The following MIR2052HG variants were observed in gnomAD, a reference collection of about 807,000 sequenced individuals.
The protein encoded by MIR2052HG is MIR2052 host gene.
chr8:74,677,685 C>T (rs1205634136), intron 2 of MIR2052HG, among the ~76,000 whole-genome samples: 2 of 151,954 alleles, frequency 1.3e-5, no homozygotes, highest in Non-Finnish European at 2.9e-5. Flanking sequence ...GTATAGTATG[C>T]AGTGAAAGCA....
chr8:74,669,992 T>C (rs1808973327), intron 2 of MIR2052HG, among the ~76,000 whole-genome samples: 1 of 152,166 alleles, frequency 6.6e-6, no homozygotes, highest in Non-Finnish European at 1.5e-5. Context: ...TGTGAGGATC[T>C]AATCTAATAG....
chr8:74,728,626 G>T (rs988610264), intron 4 of MIR2052HG, among the ~76,000 whole-genome samples: 1 of 152,098 alleles, frequency 6.6e-6, no homozygotes, highest in Admixed American at 6.6e-5. Flanking sequence ...GTTAAATTGG[G>T]TGCACCTGAC....
At chr8:74,738,259 C>T (rs1809791871) in intron 4 of MIR2052HG, among the ~76,000 whole-genome samples, 1 of 152,040 alleles carries the variant, frequency 6.6e-6, no homozygotes, top group African/African-American at 2.4e-5. Flanking sequence ...CTCTTCTTTC[C>T]ACCAACTCCT....
intron 2 of MIR2052HG, among the ~76,000 whole-genome samples, chr8:74,629,940 C>G (rs1808485259): frequency 6.6e-6 from 1 of 152,136 alleles, no homozygotes; most frequent in Non-Finnish European, 1.5e-5. Context: ...ACCCATGCAT[C>G]CAGCCAGGCT....
intron 2 of MIR2052HG, among the ~76,000 whole-genome samples, chr8:74,652,897 A>C (rs1808767889): frequency 6.6e-6 from 1 of 152,180 alleles, no homozygotes; most frequent in Non-Finnish European, 1.5e-5. Flanking sequence ...AGCAGAATTT[A>C]AATTGGGCTC....
At chr8:74,602,837 C>CTTTCTTTCTTTCTTTCTTTCTTTCT (rs1563508551) in intron 1 of MIR2052HG, among the ~76,000 whole-genome samples, 2 of 137,930 alleles carry the variant, frequency 1.5e-5, no homozygotes, top group Non-Finnish European at 3.1e-5. Context: ...TTCTTTCTTT[C>CTTTCTTTCTTTCTTTCTTTCTTTCT]TTTCTTTCTT....
chr8:74,733,715 C>T (rs1289508405), intron 4 of MIR2052HG, among the ~76,000 whole-genome samples: 1 of 142,738 alleles, frequency 7.0e-6, no homozygotes, highest in Non-Finnish European at 1.5e-5. Context: ...AAAAGTGTTC[C>T]TATTTCTCCA....
chr8:74,634,941 ATGGC>A (rs1322969451), intron 2 of MIR2052HG, among the ~76,000 whole-genome samples: 2 of 152,194 alleles, frequency 1.3e-5, no homozygotes, highest in African/African-American at 4.8e-5. Context: ...TGTCAGGAAT[ATGGC>A]TTATTTTTAT....
intron 1 of MIR2052HG, among the ~76,000 whole-genome samples, chr8:74,600,151 T>C (rs533924055): frequency 6.7e-4 from 102 of 152,286 alleles, no homozygotes; most frequent in South Asian, 3.7e-3. Flanking sequence ...GAGATGAACC[T>C]GGTACCTCAG....
At chr8:74,613,577 C>T (rs1375794346) in intron 2 of MIR2052HG, among the ~76,000 whole-genome samples, 5 of 152,228 alleles carry the variant, frequency 3.3e-5, no homozygotes, top group Non-Finnish European at 2.9e-5. Context: ...TTCCGCCTCC[C>T]GGGTTCAAGC....
intron 4 of MIR2052HG, among the ~76,000 whole-genome samples, chr8:74,719,581 T>G (rs954319392): frequency 2.0e-5 from 3 of 152,202 alleles, no homozygotes; most frequent in African/African-American, 4.8e-5. Flanking sequence ...CTTCTAGATA[T>G]CAGTTTTAAG....
intron 2 of MIR2052HG, among the ~76,000 whole-genome samples, chr8:74,701,710 T>A (rs1197002795): frequency 6.6e-6 from 1 of 152,172 alleles, no homozygotes; most frequent in Non-Finnish European, 1.5e-5. Context: ...CTAAATAATT[T>A]GATTTTGAAA....
At chr8:74,731,557 T>C (rs1231252875) in intron 4 of MIR2052HG, among the ~76,000 whole-genome samples, 1 of 152,176 alleles carries the variant, frequency 6.6e-6, no homozygotes, top group Non-Finnish European at 1.5e-5. Context: ...ACTCATCATA[T>C]GAGGTACTGC....
chr8:74,683,233 ATTGTAT>A (rs1382508953), intron 2 of MIR2052HG, among the ~76,000 whole-genome samples: 2 of 152,164 alleles, frequency 1.3e-5, no homozygotes, highest in African/African-American at 2.4e-5. Flanking sequence ...AAACTGAAAA[ATTGTAT>A]TTGTTTTTCA....
chr8:74,736,692 T>A (rs1030926789), intron 4 of MIR2052HG, among the ~76,000 whole-genome samples: 3 of 152,234 alleles, frequency 2.0e-5, no homozygotes, highest in Admixed American at 2.0e-4. Context: ...GACATCAGAC[T>A]ATCTGGATTC....
chr8:74,747,918 A>G lies in MIR2052HG; in HGVS notation n.372-4523A>G, dbSNP rs2128756412. Among the ~76,000 whole-genome samples, 3 of 152,264 alleles carry G rather than the reference A, an allele frequency of 2.0e-5. No individual in the cohort carries two copies. The Middle Eastern group carries it at 0.01, about 518-fold the overall frequency. ...TTTTCCTCATGAAATGTGTTCTTATATAGTTACCACTTGAGATGATCCAAA... is the reference window on the plus strand; with the variant it reads ...TTTTCCTCATGAAATGTGTTCTTATGTAGTTACCACTTGAGATGATCCAAA... On this transcript the variant is annotated intron_variant and non_coding_transcript_variant, in intron 4 of 6. Transcript: ENST00000523442.
intron 2 of MIR2052HG, among the ~76,000 whole-genome samples, chr8:74,615,573 AGT>A (rs989158664): frequency 2.0e-5 from 3 of 151,936 alleles, no homozygotes; most frequent in African/African-American, 7.3e-5. Context: ...TCAGTTTCTC[AGT>A]GTGACTGGCA....
intron 2 of MIR2052HG, among the ~76,000 whole-genome samples, chr8:74,694,946 T>C (rs945249958): frequency 6.6e-6 from 1 of 152,150 alleles, no homozygotes; most frequent in African/African-American, 2.4e-5. Context: ...GCTAGAGACC[T>C]GGACATCCAA....
At chr8:74,707,551 A>G (rs183021333) in intron 4 of MIR2052HG, among the ~76,000 whole-genome samples, 17 of 152,166 alleles carry the variant, frequency 1.1e-4, no homozygotes, top group African/African-American at 4.8e-5. Flanking sequence ...GTGCCCTGAT[A>G]GTATGCAACT....
Sources: allele counts gnomAD v4.1 joint callset (sites outside exome capture counted in the v4.1 genomes callset), GRCh38; gene constraint gnomAD v4.1.1; transcripts MANE v1.5; gene names NCBI Gene and HGNC (gene_info 2026-07-23, HGNC 2026-07-21).